CNTNAP2: variants seen among roughly 807,000 people sequenced by gnomAD.
CNTNAP2 encodes contactin associated protein 2.
Under a neutral mutation model 155.2 loss-of-function variants are expected in CNTNAP2, and 98 were observed. That is an observed-to-expected ratio of 0.63 (90% CI 0.54 to 0.75). CNTNAP2 has a LOEUF of 0.75. Ranked by LOEUF, CNTNAP2 falls within the 30% of genes least tolerant of loss-of-function variation. CNTNAP2 has a pLI of 0.00. For missense variants in CNTNAP2, 1,727 were observed against 1,688.1 expected (o/e 1.02, Z -0.40); for synonymous variants, 651 against 631.2 (o/e 1.03, Z -0.47).
chr7:146,832,915 C>T (rs919985740), intron 2 of CNTNAP2, among the ~76,000 whole-genome samples: 3 of 151,880 alleles, frequency 2.0e-5, no homozygotes, highest in African/African-American at 2.4e-5. Flanking sequence ...AGGCTGATCT[C>T]GAACTCTTGA....
intron 21 of CNTNAP2, among the ~76,000 whole-genome samples, chr7:148,277,986 G>A (rs1796905915): frequency 6.6e-6 from 1 of 152,158 alleles, no homozygotes; most frequent in Admixed American, 6.5e-5. Flanking sequence ...GCATGGGCAT[G>A]TTTTTCTCTG....
rs757136036 is a variant in CNTNAP2 at position 146,288,793 on chromosome 7, ATTTTTTTTTTT to A, written c.97+171839_97+171849del. 2.0e-4 allele frequency among the ~76,000 whole-genome samples: 20 copies of A among 100,038 alleles called. 1 individual carries two copies. The highest frequency in any genetic ancestry group is 2.0e-3 in the South Asian group (6 of 3,052). 65.6% of individuals were successfully genotyped at this position (100,038 alleles called of 152,430 possible). A position where few individuals can be genotyped will look rare whatever the true frequency, so the allele number is the denominator to read the frequency against. On this transcript the variant is annotated intron_variant, in intron 1 of 23. Transcript: ENST00000361727. ...GGCAAAGGGTAGAGTAAAATTAGTA[ATTTTTTTTTTT>A]TTTTTTTTTTTTTTTTTTGAGACAG...
chr7:147,926,775 AAAAAC>A (rs1800405694), intron 14 of CNTNAP2, among the ~76,000 whole-genome samples: 1 of 152,196 alleles, frequency 6.6e-6, no homozygotes, highest in African/African-American at 2.4e-5. Context: ...TCTACATGAA[AAAAAC>A]AAAGAGCGTT....
chr7:147,741,435 G>A (rs571983390), intron 13 of CNTNAP2, among the ~76,000 whole-genome samples: 32 of 152,230 alleles, frequency 2.1e-4, no homozygotes, highest in South Asian at 2.1e-3. Context: ...TAAATTAAGA[G>A]TTATCTTCTA....
chr7:147,339,014 T>C lies in CNTNAP2; in HGVS notation c.1498+38724T>C, dbSNP rs544510790. On this transcript the variant is annotated intron_variant, in intron 9 of 23. Coordinates refer to ENST00000361727, the MANE Select transcript of CNTNAP2 (RefSeq NM_014141.6). Reference sequence around the variant, plus strand: ...TGTATTTTAAATATATTTATTCAAATGTATTTTAAATGCTGCCTTACAAGA... The same window carrying C: ...TGTATTTTAAATATATTTATTCAAACGTATTTTAAATGCTGCCTTACAAGA... Among the ~76,000 whole-genome samples the C allele has an allele frequency of 2.0e-5, 3 of 152,292 alleles. No homozygotes were observed. In the South Asian group the frequency reaches 6.2e-4, roughly 32 times the overall value.
chr7:147,797,804 C>A (rs1797923184), intron 13 of CNTNAP2, among the ~76,000 whole-genome samples: 1 of 151,866 alleles, frequency 6.6e-6, no homozygotes. Context: ...ATCTTTTTTT[C>A]CTACTTTCAT....
chr7:146,547,018 G>A (rs1282672131), intron 1 of CNTNAP2, among the ~76,000 whole-genome samples: 3 of 151,908 alleles, frequency 2.0e-5, no homozygotes, highest in Non-Finnish European at 4.4e-5. Context: ...AGACAGGCAG[G>A]GGAGTCGTTT....
chr7:146,826,888 A>G (rs925695190), intron 2 of CNTNAP2, among the ~76,000 whole-genome samples: 3 of 150,172 alleles, frequency 2.0e-5, no homozygotes, highest in Admixed American at 2.0e-4. Flanking sequence ...AGACTTGAGT[A>G]AGAATATCTG....
chr7:146,397,214 A>G (rs915623709), intron 1 of CNTNAP2, among the ~76,000 whole-genome samples: 2 of 152,172 alleles, frequency 1.3e-5, no homozygotes, highest in Non-Finnish European at 2.9e-5. Flanking sequence ...TGACATGTCT[A>G]CTTCCACATA....
intron 3 of CNTNAP2, among the ~76,000 whole-genome samples, chr7:147,020,760 G>A (rs559052853): frequency 6.6e-6 from 1 of 152,126 alleles, no homozygotes; most frequent in East Asian, 1.9e-4. Flanking sequence ...TATATCAGGG[G>A]CTTGGAAGTT....
At chr7:147,561,125 G>A (rs547255067) in intron 11 of CNTNAP2, among the ~76,000 whole-genome samples, 1 of 152,036 alleles carries the variant, frequency 6.6e-6, no homozygotes, top group East Asian at 1.9e-4. Context: ...CTAATTCTAG[G>A]ACCATGCAAT....
intron 18 of CNTNAP2, among the ~76,000 whole-genome samples, chr7:148,201,731 A>G (rs981644523): frequency 6.6e-6 from 1 of 152,058 alleles, no homozygotes; most frequent in African/African-American, 2.4e-5. Flanking sequence ...TTAAATCACC[A>G]TCCATGGTCA....
chr7:147,509,969 T>G (rs1463821426), intron 11 of CNTNAP2, among the ~76,000 whole-genome samples: 1 of 152,136 alleles, frequency 6.6e-6, no homozygotes, highest in Non-Finnish European at 1.5e-5. Context: ...TCGGTGATTC[T>G]TAAATTGTAT....
At position 146,356,213 on chromosome 7, in the gene CNTNAP2, C is replaced by G. The variant is rs138997997; in HGVS notation, c.97+239240C>G. On this transcript the variant is annotated intron_variant, in intron 1 of 23. Coordinates refer to ENST00000361727, the MANE Select transcript of CNTNAP2 (RefSeq NM_014141.6). ...AAACCGTACATTGTTGTTTAAAGTT[C>G]TTCAATAAGAGATTCTAGGCTTTTA... is the stretch of plus-strand genomic sequence containing the variant. Among the ~76,000 whole-genome samples the G allele has an allele frequency of 1.1e-3, 165 of 152,210 alleles. 5 individuals are homozygous for G. In the East Asian group the frequency reaches 0.031, roughly 28 times the overall value.
At position 147,469,675 on chromosome 7, in the gene CNTNAP2, C is replaced by A. The variant is rs1013539780; in HGVS notation, c.1671-16260C>A. On this transcript the variant is annotated intron_variant, in intron 10 of 23. Transcript: ENST00000361727. ...CTGGGACTACAGGCGCCCGCCACCA[C>A]GCCTGGCTAATTTTTTGTGTTTTTA... 2.1e-4 allele frequency among the ~76,000 whole-genome samples: 32 copies of A among 151,828 alleles called. No individual in the cohort carries two copies. The South Asian group carries it at 3.1e-3, about 15-fold the overall frequency.
chr7:147,218,532 T>TCCATGTATTTTAG (rs1174801030), intron 8 of CNTNAP2, among the ~76,000 whole-genome samples: 3 of 151,664 alleles, frequency 2.0e-5, no homozygotes, highest in Non-Finnish European at 4.4e-5. Context: ...TTGCTTAATC[T>TCCATGTATTTTAG]CCATGTATTT....
At chr7:146,490,292 A>G in intron 1 of CNTNAP2, among the ~76,000 whole-genome samples, 1 of 152,248 alleles carries the variant, frequency 6.6e-6, no homozygotes, top group East Asian at 1.9e-4. Flanking sequence ...GGCAGTGAAT[A>G]ATATAAACCT....
At chr7:147,071,719 G>C (rs1032001978) in intron 4 of CNTNAP2, among the ~76,000 whole-genome samples, 2 of 152,188 alleles carry the variant, frequency 1.3e-5, no homozygotes, top group African/African-American at 2.4e-5. Flanking sequence ...GGCTGAGGGA[G>C]TGGCACAGAA....
At chr7:146,734,510 T>C (rs927635372) in intron 1 of CNTNAP2, among the ~76,000 whole-genome samples, 22 of 137,482 alleles carry the variant, frequency 1.6e-4, no homozygotes, top group Non-Finnish European at 2.8e-4. Context: ...GAAAATTATC[T>C]TATGTGAGGT....
Sources: allele counts gnomAD v4.1 joint callset (sites outside exome capture counted in the v4.1 genomes callset), GRCh38; gene constraint gnomAD v4.1.1; transcripts MANE v1.5; gene names NCBI Gene and HGNC (gene_info 2026-07-23, HGNC 2026-07-21).